The following ZBED6 variants were observed in gnomAD, a reference collection of about 807,000 sequenced individuals.
ZBED6 encodes the protein zinc finger BED domain-containing protein 6.
A neutral mutation model predicts 58.4 loss-of-function variants in ZBED6; 40 were observed. The ratio of observed to expected loss-of-function variants is 0.68; its 90% CI spans 0.53 to 0.89. The LOEUF is 0.89. Ranked by LOEUF, ZBED6 falls within the 40% of genes least tolerant of loss-of-function variation. The pLI is 0.00. For missense variants in ZBED6, 1,057 were observed against 1,003.9 expected (o/e 1.05, Z -0.71); for synonymous variants, 439 against 350.6 (o/e 1.25, Z -2.82).
chr1:203,841,085 A>G (rs1315075344), intron 11 of ZBED6, among the ~76,000 whole-genome samples: 1 of 152,000 alleles, frequency 6.6e-6, no homozygotes, highest in African/African-American at 2.4e-5. Flanking sequence ...CAAGTGAAGA[A>G]AGATAACAGA....
In ZBED6 at chr1:203,805,809, G is replaced by A. The variant is rs569983737; in HGVS notation, c.*2554+2793G>A. Reference sequence around the variant, plus strand: ...CTAGGTTGTCTTCATCTAATTCTGGGCCGCCATAACTGCGACTCAGTGCTT... The same window carrying A: ...CTAGGTTGTCTTCATCTAATTCTGGACCGCCATAACTGCGACTCAGTGCTT... On this transcript the variant is annotated intron_variant, in intron 1 of 16. Transcript: ENST00000550078. 176 of 806,076 alleles carry A rather than the reference G, an allele frequency of 2.2e-4. No individual in the cohort carries two copies. The African/African-American group carries it at 2.8e-3, about 13-fold the overall frequency. 49.9% of individuals were successfully genotyped at this position (806,076 alleles called of 1,614,324 possible). A position where few individuals can be genotyped will look rare whatever the true frequency, so the allele number is the denominator to read the frequency against.
At chr1:203,841,544 T>C (rs1686205224) in intron 11 of ZBED6, among the ~76,000 whole-genome samples, 1 of 152,248 alleles carries the variant, frequency 6.6e-6, no homozygotes, top group Non-Finnish European at 1.5e-5. Flanking sequence ...GAGTCTCCCA[T>C]GTCTACTTCT....
intron 11 of ZBED6, among the ~76,000 whole-genome samples, chr1:203,846,978 C>A (rs1334260818): frequency 6.6e-6 from 1 of 151,108 alleles, no homozygotes; most frequent in Non-Finnish European, 1.5e-5. Flanking sequence ...GCACTCCAGC[C>A]TGGGTAACAG....
At chr1:203,830,925 A>ATTTTTTTTTTTTTTTTTTTTTTTTT (rs774771270) in intron 7 of ZBED6, among the ~76,000 whole-genome samples, 1 of 51,352 alleles carries the variant, frequency 1.9e-5, no homozygotes, top group African/African-American at 7.1e-5. Context: ...CCAACCCCCA[A>ATTTTTTTTTTTTTTTTTTTTTTTTT]TTTTTTTTTT....
At chr1:203,798,971 T>G (rs759408571) in exon 1 of ZBED6, 48 of 1,536,014 alleles carry the variant, frequency 3.1e-5, no homozygotes, top group Non-Finnish European at 3.7e-5. Context: ...TACACCTGAC[T>G]GTTGACATAT....
At chr1:203,838,194 C>G in intron 10 of ZBED6, 130 bp downstream of exon 10, 1 of 873,800 alleles carries the variant, frequency 1.1e-6, no homozygotes, top group South Asian at 1.8e-5. Flanking sequence ...ATATTATTCA[C>G]TCAACAAACA....
chr1:203,849,697 A>G lies in ZBED6; in HGVS notation c.*4323-14A>G. On this transcript the variant is annotated splice_polypyrimidine_tract_variant and intron_variant, in intron 13 of 16. Transcript: ENST00000550078. ...GTACCAGATTTTAATTCTGTCATTC[A>G]AATTTATCCACAGGCTTCAGGTGAG... 1 of 1,612,786 alleles carries G rather than the reference A, an allele frequency of 6.2e-7. No individual in the cohort carries two copies. Among genetic ancestry groups the G allele is most frequent in the Non-Finnish European group, 8.5e-7 (1 of 1,179,258 alleles).
intron 4 of ZBED6, 63 bp downstream of exon 4, chr1:203,828,485 C>T: frequency 2.0e-6 from 3 of 1,531,650 alleles, no homozygotes; most frequent in Non-Finnish European, 1.8e-6. Flanking sequence ...CACTGTACAA[C>T]AGTACTTTTC....
Position 203,837,948 on chromosome 1 carries a change from A to G in ZBED6, c.*3574-18A>G, listed in dbSNP as rs373853326. ...AAGATTGACTTGAAATCTTAAACTA[A>G]GTTCTCCCTCTTTATAGGCGGTGAC... On this transcript the variant is annotated intron_variant, in intron 9 of 16. Coordinates refer to ENST00000550078, the Ensembl canonical transcript of ZBED6. The G allele has an allele frequency of 6.2e-7, 1 of 1,600,608 alleles. No individual in the cohort carries two copies. The highest frequency in any genetic ancestry group is 8.5e-7 in the Non-Finnish European group (1 of 1,175,900).
At chr1:203,825,958 A>G (rs560985287) in intron 3 of ZBED6, among the ~76,000 whole-genome samples, 47 of 152,348 alleles carry the variant, frequency 3.1e-4, no homozygotes, top group African/African-American at 1.1e-3. Context: ...AAACAGATCA[A>G]ATAAATGTCA....
chr1:203,804,252 C>T (rs1013495797), intron 1 of ZBED6, among the ~76,000 whole-genome samples: 3 of 150,726 alleles, frequency 2.0e-5, no homozygotes, highest in South Asian at 2.1e-4. Context: ...CCCGGGTTCA[C>T]GCCATTCTCC....
intron 1 of ZBED6, among the ~76,000 whole-genome samples, chr1:203,806,426 T>G (rs1329472002): frequency 1.3e-5 from 2 of 152,096 alleles, no homozygotes; most frequent in East Asian, 3.8e-4. Flanking sequence ...CTCAGCCTGC[T>G]GAGTAGCTGG....
At chr1:203,823,858 G>A (rs12754703) in intron 3 of ZBED6, among the ~76,000 whole-genome samples, 1 of 152,168 alleles carries the variant, frequency 6.6e-6, no homozygotes, top group East Asian at 1.9e-4. Flanking sequence ...TCATACTGTA[G>A]AGTGCCAGGT....
intron 4 of ZBED6, 50 bp from the exon 5 acceptor site, chr1:203,829,400 GT>G (rs765162072): frequency 2.6e-4 from 415 of 1,600,870 alleles, no homozygotes; most frequent in Non-Finnish European, 3.4e-4. Flanking sequence ...TTTTTGGTAA[GT>G]TGGGGTTGTA....
chr1:203,833,788 C>A lies in ZBED6; in HGVS notation c.*3511-3C>A. The A allele has an allele frequency of 6.2e-7, 1 of 1,604,942 alleles. No individual in the cohort carries two copies. Among genetic ancestry groups the A allele is most frequent in the Non-Finnish European group, 8.5e-7 (1 of 1,176,880 alleles). On this transcript the variant is annotated splice_polypyrimidine_tract_variant and splice_region_variant and intron_variant, in intron 8 of 16. Coordinates refer to ENST00000550078, the Ensembl canonical transcript of ZBED6. ...TAGAGAAATTCTGCTTTTGCCATTTCAGGAGAAGAACCCTTGGTTAGATTG... is the reference window on the plus strand; with the variant it reads ...TAGAGAAATTCTGCTTTTGCCATTTAAGGAGAAGAACCCTTGGTTAGATTG...
intron 1 of ZBED6, among the ~76,000 whole-genome samples, chr1:203,809,133 G>A (rs776991925): frequency 7.3e-6 from 1 of 136,400 alleles, no homozygotes; most frequent in Non-Finnish European, 1.6e-5. Flanking sequence ...CCCAGCCTGA[G>A]TTTTCTTATT....
chr1:203,806,174 T>C, intron 1 of ZBED6: 1 of 491,728 alleles, frequency 2.0e-6, no homozygotes, highest in South Asian at 1.6e-5. Flanking sequence ...ATCTTGTCAG[T>C]GGATTCTGCC....
At chr1:203,799,942 C>T in exon 1 of ZBED6, 1 of 1,536,078 alleles carries the variant, frequency 6.5e-7, no homozygotes, top group Non-Finnish European at 8.7e-7. Context: ...GAATCTTCAC[C>T]AGAGATCTGC....
chr1:203,852,340 G>A, exon 17 of ZBED6: 1 of 1,613,722 alleles, frequency 6.2e-7, no homozygotes, highest in Non-Finnish European at 8.5e-7. Flanking sequence ...GATTGACCTG[G>A]ATCCTGGGAA....
Sources: allele counts gnomAD v4.1 joint callset (sites outside exome capture counted in the v4.1 genomes callset), GRCh38; gene constraint gnomAD v4.1.1; transcripts MANE v1.5; gene names NCBI Gene and HGNC (gene_info 2026-07-23, HGNC 2026-07-21).